WFDC1: variants seen among roughly 807,000 people sequenced by gnomAD.
WFDC1 encodes WAP four-disulfide core domain 1.
A neutral mutation model predicts 32.9 loss-of-function variants in WFDC1; 39 were observed. The observed-to-expected ratio is 1.19, with a 90% CI of 0.92 to 1.55. The LOEUF is 1.55. Among genes scored for constraint, WFDC1 ranks in the 40% most tolerant of loss-of-function variants. The pLI, the probability that WFDC1 is intolerant of heterozygous loss-of-function variation, is 0.00. For missense variants in WFDC1, 386 were observed against 309.5 expected (o/e 1.25, Z -1.85); for synonymous variants, 184 against 137.4 (o/e 1.34, Z -2.37).
chr16:84,323,584 C>G (rs1443984996), intron 4 of WFDC1, among the ~76,000 whole-genome samples: 1 of 152,198 alleles, frequency 6.6e-6, no homozygotes, highest in Non-Finnish European at 1.5e-5. Flanking sequence ...GAAATTGTTT[C>G]TTTTAATCCT....
At chr16:84,296,541 A>G (rs902303676) in intron 1 of WFDC1, among the ~76,000 whole-genome samples, 1 of 152,126 alleles carries the variant, frequency 6.6e-6, no homozygotes, top group Non-Finnish European at 1.5e-5. Flanking sequence ...AGAAGAGGGA[A>G]GGGAGAATGA....
intron 1 of WFDC1, among the ~76,000 whole-genome samples, chr16:84,306,082 A>G (rs886232815): frequency 3.5e-4 from 54 of 152,124 alleles, no homozygotes; most frequent in Non-Finnish European, 6.3e-4. Flanking sequence ...ATGGATTAGC[A>G]TTGCCCGTGC....
intron 1 of WFDC1, among the ~76,000 whole-genome samples, chr16:84,306,244 C>G (rs933240799): frequency 1.3e-5 from 2 of 152,080 alleles, no homozygotes; most frequent in African/African-American, 4.8e-5. Flanking sequence ...AACCCAGACG[C>G]GTCAGACTCC....
chr16:84,304,029 A>G (rs1216268245), intron 1 of WFDC1, among the ~76,000 whole-genome samples: 2 of 152,116 alleles, frequency 1.3e-5, no homozygotes, highest in Non-Finnish European at 2.9e-5. Flanking sequence ...CTTCCTTTCT[A>G]AGGCCTGCCT....
At chr16:84,313,203 A>G in intron 2 of WFDC1, 50 bp downstream of exon 2, 1 of 1,360,132 alleles carries the variant, frequency 7.4e-7, no homozygotes, top group Non-Finnish European at 9.4e-7. Context: ...ACAGGTGAAC[A>G]GAGCTGTCCC....
intron 4 of WFDC1, among the ~76,000 whole-genome samples, chr16:84,320,843 G>A (rs1472887550): frequency 6.7e-6 from 1 of 149,354 alleles, no homozygotes; most frequent in Non-Finnish European, 1.5e-5. Context: ...AGTATACTGG[G>A]GAGTGCATGA....
At chr16:84,326,562 A>G (rs1908613629) in intron 5 of WFDC1, 1 of 306,290 alleles carries the variant, frequency 3.3e-6, no homozygotes, top group Non-Finnish European at 6.2e-6. Context: ...CCTAAAGAAT[A>G]AGAAATAGTG....
intron 1 of WFDC1, among the ~76,000 whole-genome samples, chr16:84,305,584 A>G (rs1014057448): frequency 2.0e-5 from 3 of 152,104 alleles, no homozygotes; most frequent in African/African-American, 7.2e-5. Context: ...CGCTATGGAG[A>G]TGGTGGGCGT....
Position 84,326,952 on chromosome 16 carries a change from G to C in WFDC1, c.*12G>C. On this transcript the variant is annotated 3_prime_UTR_variant, in exon 6 of 7. Transcript: ENST00000219454. Reference sequence around the variant, plus strand: ...AGCACTTTCAGTAAAGCAACGGCAAGCAGGTGAGTGGGCAGAGAGCAAGAG... The same window carrying C: ...AGCACTTTCAGTAAAGCAACGGCAACCAGGTGAGTGGGCAGAGAGCAAGAG... 8 of 1,614,098 alleles carry C rather than the reference G, an allele frequency of 5.0e-6. No individual in the cohort carries two copies. The highest frequency in any genetic ancestry group is 6.8e-6 in the Non-Finnish European group (8 of 1,180,016).
intron 4 of WFDC1, among the ~76,000 whole-genome samples, chr16:84,323,979 G>C (rs938528852): frequency 2.0e-5 from 3 of 152,218 alleles, no homozygotes; most frequent in African/African-American, 7.2e-5. Context: ...AATTGACTGG[G>C]TGTGGTGGCG....
At chr16:84,308,288 C>T (rs550225354) in intron 1 of WFDC1, among the ~76,000 whole-genome samples, 13 of 152,146 alleles carry the variant, frequency 8.5e-5, no homozygotes, top group East Asian at 1.9e-4. Flanking sequence ...GCACCCGGCC[C>T]GGACCTGTTC....
chr16:84,312,863 G>C (rs974237821), intron 1 of WFDC1, 98 bp from the exon 2 acceptor site: 2 of 731,426 alleles, frequency 2.7e-6, no homozygotes, highest in South Asian at 1.3e-4. Context: ...CGCAGGCTCA[G>C]AGAGGCCCGG....
rs536722019 is a variant in WFDC1, at chr16:84,303,487, A to C, written c.144+8372A>C. On this transcript the variant is annotated intron_variant, in intron 1 of 6. Coordinates refer to ENST00000219454, the MANE Select transcript of WFDC1 (RefSeq NM_021197.4). ...AGAATGATGTTTACTGTAAAAAAAAAAAAAAGTCAGGCAACACAGAAAGTT... is the reference window on the plus strand; with the variant it reads ...AGAATGATGTTTACTGTAAAAAAAACAAAAAGTCAGGCAACACAGAAAGTT... Among the ~76,000 whole-genome samples, 171 of 152,288 alleles carry C rather than the reference A, an allele frequency of 1.1e-3. 1 individual carries two copies. Among genetic ancestry groups the C allele is most frequent in the African/African-American group, 3.8e-3 (157 of 41,570 alleles).
chr16:84,321,113 G>C (rs781232370), intron 4 of WFDC1, among the ~76,000 whole-genome samples: 4 of 152,224 alleles, frequency 2.6e-5, no homozygotes, highest in Admixed American at 6.5e-5. Context: ...TCTCCAGCCA[G>C]ATAGCCTGGG....
intron 4 of WFDC1, among the ~76,000 whole-genome samples, chr16:84,321,589 C>A (rs1207430044): frequency 5.3e-5 from 8 of 152,140 alleles, no homozygotes. Flanking sequence ...CAAGGTCAAA[C>A]CAAGTCAAAC....
intron 3 of WFDC1, chr16:84,319,125 G>A: frequency 2.4e-6 from 1 of 422,734 alleles, no homozygotes; most frequent in Non-Finnish European, 4.3e-6. Flanking sequence ...AGGGCTGAGT[G>A]TGTGTTTCAG....
chr16:84,311,384 A>ATTTTTTTTTTTTTTTTT (rs747950638), intron 1 of WFDC1, among the ~76,000 whole-genome samples: 20 of 118,334 alleles, frequency 1.7e-4, no homozygotes, highest in East Asian at 5.8e-4. Context: ...CGCCCGGCTA[A>ATTTTTTTTTTTTTTTTT]TTTTTTTTCT....
chr16:84,326,847 A>G (rs753487934), intron 5 of WFDC1, 35 bp from the exon 6 acceptor site: 3 of 1,613,336 alleles, frequency 1.9e-6, no homozygotes, highest in Non-Finnish European at 2.5e-6. Flanking sequence ...AGGAATAGAT[A>G]CATCTACCCC....
intron 1 of WFDC1, among the ~76,000 whole-genome samples, chr16:84,311,550 A>G (rs1287917665): frequency 9.1e-6 from 1 of 109,324 alleles, no homozygotes; most frequent in Non-Finnish European, 1.7e-5. Context: ...TTTTTTTTTA[A>G]CAGGGTCTCA....
Sources: gnomAD v4.1 joint callset for allele counts (sites outside exome capture counted in the v4.1 genomes callset) on GRCh38, gnomAD v4.1.1 for gene constraint, MANE v1.5 for transcripts, NCBI Gene and HGNC (gene_info 2026-07-23, HGNC 2026-07-21) for gene names.